Variants in HNRNPUL2 observed in about 807,000 individuals in gnomAD.
The protein encoded by HNRNPUL2 is heterogeneous nuclear ribonucleoprotein U like 2.
Under a neutral mutation model 102.2 loss-of-function variants are expected in HNRNPUL2, and 27 were observed. The observed-to-expected ratio is 0.26, with a 90% CI of 0.19 to 0.36. HNRNPUL2 has a LOEUF of 0.36. Among genes scored for constraint, HNRNPUL2 ranks in the 10% least tolerant of loss-of-function variants. HNRNPUL2 has a pLI of 1.00. For missense variants in HNRNPUL2, 936 were observed against 981.1 expected (o/e 0.95, Z 0.61); for synonymous variants, 458 against 387.2 (o/e 1.18, Z -2.15).
chr11:62,726,899 CTCGTCCTCCTCCTCCTCCTCT>C lies in HNRNPUL2; in HGVS notation c.237_257del (p.Glu81_Glu87del), dbSNP rs1565165274. 11 of 1,560,142 alleles carry C rather than the reference CTCGTCCTCCTCCTCCTCCTCT, an allele frequency of 7.1e-6. No individual in the cohort carries two copies. Among genetic ancestry groups the C allele is most frequent in the East Asian group, 2.4e-5 (1 of 41,196 alleles). On this transcript the variant is annotated inframe_deletion, in exon 1 of 14. Transcript: ENST00000301785. Reference sequence around the variant, plus strand: ...CGTCCTCGTCCTCAAGCAGCGCCTCCTCGTCCTCCTCCTCCTCCTCTTCGTCCTCCTCCTCGTCCCCGCCCG... The same window carrying C: ...CGTCCTCGTCCTCAAGCAGCGCCTCCTCGTCCTCCTCCTCGTCCCCGCCCG...
In HNRNPUL2 at chr11:62,721,313, C is replaced by A; in HGVS notation, c.1593G>T (p.Arg531Ser). Residue 531 changes from arginine to serine, a missense_variant, in exon 9 of 14, where the codon AGG (arginine) becomes AGT (serine). Physicochemically the swap from Arg to Ser is moderately radical, Grantham distance 110. This residue lies in a region of HNRNPUL2 where 609 missense variants were observed against 713.0 expected (regional missense o/e 0.85). Coordinates refer to ENST00000301785, the MANE Select transcript of HNRNPUL2 (RefSeq NM_001079559.3). ...KLVQIASRTK[R>S]NFILDQCNVY... ...TTAATACCTGATCAAGAATAAAGTT[C>A]CTCTTTGTCCGGGAAGCAATCTGGA... 1 of 1,607,368 alleles carries A rather than the reference C, an allele frequency of 6.2e-7. No homozygotes were observed. The highest frequency in any genetic ancestry group is 8.5e-7 in the Non-Finnish European group (1 of 1,178,056).
In HNRNPUL2 at chr11:62,717,019, G is replaced by A. The variant is rs759904305; in HGVS notation, c.1951C>T (p.Arg651Trp). The change falls in exon 11 of 14, where the codon CGG becomes TGG. Residue 651 changes from arginine (R) to tryptophan (W), a missense_variant. This residue lies in a region of HNRNPUL2 where 609 missense variants were observed against 713.0 expected (regional missense o/e 0.85). Transcript: ENST00000301785. ...CCTTGGCCCCGGCTTCGGTTCTGCC[G>A]GTTACGCTTGTTTCGGTTGTTTCGG... is the stretch of plus-strand genomic sequence containing the variant. ...NRRNNRNKRN[R>W]QNRSRGQGYV... is the part of the protein sequence containing the mutation. The A allele has an allele frequency of 1.2e-6, 2 of 1,613,480 alleles. No individual in the cohort carries two copies. The highest frequency in any genetic ancestry group is 1.7e-6 in the Non-Finnish European group (2 of 1,180,006).
In HNRNPUL2 at chr11:62,713,507, G is replaced by GA. The variant is rs2083634689; in HGVS notation, c.*1791dup. ...CACCGCAGGGAAGCAGGTGCCAAGA[G>GA]AAAGGACATGACTATGAGTAAGCAA... On this transcript the variant is annotated 3_prime_UTR_variant, in exon 14 of 14. Coordinates refer to ENST00000301785, the MANE Select transcript of HNRNPUL2 (RefSeq NM_001079559.3). The GA allele has an allele frequency of 6.6e-6, 1 of 152,208 alleles. No homozygotes were observed. Among genetic ancestry groups the GA allele is most frequent in the East Asian group, 1.9e-4 (1 of 5,198 alleles). 9.4% of individuals were successfully genotyped at this position (152,208 alleles called of 1,614,324 possible).
In HNRNPUL2 at chr11:62,714,970, TCTGA is replaced by T. The variant is rs1430896118; in HGVS notation, c.*325_*328del. The T allele has an allele frequency of 4.8e-6, 1 of 208,238 alleles. No individual in the cohort carries two copies. 12.9% of individuals were successfully genotyped at this position (208,238 alleles called of 1,614,324 possible). ...GGTGCCATTTTCAGTTCTTTTCCTG[TCTGA>T]CTGTAGGGTATAGAACAGGCAGCCC... On this transcript the variant is annotated 3_prime_UTR_variant, in exon 14 of 14. Transcript: ENST00000301785.
In HNRNPUL2 at chr11:62,726,781, C is replaced by A. The variant is rs1358908580; in HGVS notation, c.376G>T (p.Asp126Tyr). ...GCCTCCGCCGGCTTCTCGGAAGCAT[C>A]TGGCTCGGCCGCGGCCTCCATGGCT... ...AAAMEAAAEP[D>Y]ASEKPAEATA... Residue 126 changes from aspartate to tyrosine, a missense_variant, in exon 1 of 14, where the codon GAT (aspartate) becomes TAT (tyrosine). Asp to Tyr is a radical substitution (Grantham distance 160). Coordinates refer to ENST00000301785, the MANE Select transcript of HNRNPUL2 (RefSeq NM_001079559.3). 4 of 1,600,078 alleles carry A rather than the reference C, an allele frequency of 2.5e-6. No individual in the cohort carries two copies. Among genetic ancestry groups the A allele is most frequent in the African/African-American group, 2.7e-5 (2 of 74,812 alleles).
Position 62,721,506 on chromosome 11 carries a change from G to A in HNRNPUL2, c.1483-83C>T, listed in dbSNP as rs1187429412. ...TAAAGCCCAAGAGTTATTGGTAAAT[G>A]TCACCTCTTCAAATACTGAATCTAT... On this transcript the variant is annotated intron_variant, in intron 8 of 13. Coordinates refer to ENST00000301785, the MANE Select transcript of HNRNPUL2 (RefSeq NM_001079559.3). 8.7e-6 allele frequency: 11 copies of A among 1,265,676 alleles called. No homozygotes were observed. In the Admixed American group the frequency reaches 1.7e-4, roughly 19 times the overall value. 78.4% of individuals were successfully genotyped at this position (1,265,676 alleles called of 1,614,324 possible).
intron 1 of HNRNPUL2, among the ~76,000 whole-genome samples, chr11:62,724,826 T>G (rs890529714): frequency 6.6e-6 from 1 of 152,238 alleles, no homozygotes; most frequent in African/African-American, 2.4e-5. Flanking sequence ...AGGCAGTTAG[T>G]ACATATTTTG....
rs1170420035 is a variant in HNRNPUL2, at chr11:62,717,208, A to T, written c.1781-19T>A. ...AAGTTGGCTATAAGAGTAAGAGAGA[A>T]GCTTGTGGGCCTGAAAAGTGCATAG... is the stretch of plus-strand genomic sequence containing the variant. On this transcript the variant is annotated intron_variant, in intron 10 of 13. Coordinates refer to ENST00000301785, the MANE Select transcript of HNRNPUL2 (RefSeq NM_001079559.3). 6.2e-7 allele frequency: 1 copy of T among 1,600,928 alleles called. No homozygotes were observed. The highest frequency in any genetic ancestry group is 1.7e-5 in the Admixed American group (1 of 59,576).
In HNRNPUL2 at chr11:62,724,440, G is replaced by T; in HGVS notation, c.539-14C>A. The T allele has an allele frequency of 6.2e-7, 1 of 1,613,854 alleles. No homozygotes were observed. The highest frequency in any genetic ancestry group is 8.5e-7 in the Non-Finnish European group (1 of 1,179,864). On this transcript the variant is annotated splice_polypyrimidine_tract_variant and intron_variant, in intron 1 of 13. Transcript: ENST00000301785. ...CCTGGTCATCTCCTACAAAAACGAG[G>T]GAAAGAAAATCAGCAGTTTTCATAC...
intron 10 of HNRNPUL2, among the ~76,000 whole-genome samples, chr11:62,717,718 T>C (rs1035488084): frequency 2.0e-5 from 3 of 152,110 alleles, no homozygotes; most frequent in African/African-American, 7.2e-5. Flanking sequence ...TAGCCAGGCA[T>C]GGTGGCAGGT....
chr11:62,717,315 A>G (rs2083668158), intron 10 of HNRNPUL2, 126 bp from the exon 11 acceptor site: 1 of 688,576 alleles, frequency 1.5e-6, no homozygotes, highest in South Asian at 2.0e-5. Context: ...AAAATGTGCT[A>G]CGTTTATACC....
At position 62,717,026 on chromosome 11, in the gene HNRNPUL2, CTTGTTTCGG is replaced by C. The variant is rs771957761; in HGVS notation, c.1935_1943del (p.Asn645_Asn647del). 29 of 1,613,756 alleles carry C rather than the reference CTTGTTTCGG, an allele frequency of 1.8e-5. No individual in the cohort carries two copies. Among genetic ancestry groups the C allele is most frequent in the East Asian group, 6.7e-5 (3 of 44,876 alleles). ...CCCGGCTTCGGTTCTGCCGGTTACG[CTTGTTTCGG>C]TTGTTTCGGCGATTTGTCCGCTTCT... On this transcript the variant is annotated inframe_deletion, in exon 11 of 14. Transcript: ENST00000301785.
chr11:62,724,034 C>A (rs538723907), intron 2 of HNRNPUL2, 44 bp from the exon 3 acceptor site: 112 of 1,517,084 alleles, frequency 7.4e-5, no homozygotes, highest in Non-Finnish European at 9.9e-5. Flanking sequence ...AAACAAAGCC[C>A]TCTTCTTTGA....
chr11:62,723,804 G>A, intron 3 of HNRNPUL2, 78 bp from the exon 4 acceptor site: 1 of 1,601,834 alleles, frequency 6.2e-7, no homozygotes, highest in South Asian at 1.1e-5. Flanking sequence ...TATACCAGTT[G>A]TTGTAGTGGA....
intron 10 of HNRNPUL2, among the ~76,000 whole-genome samples, chr11:62,717,400 G>A (rs988727712): frequency 3.9e-5 from 6 of 152,132 alleles, no homozygotes; most frequent in South Asian, 2.1e-4. Flanking sequence ...CCAGGCAAAG[G>A]GCTATGTAGA....
At chr11:62,721,548 C>T in intron 8 of HNRNPUL2, 125 bp from the exon 9 acceptor site, 1 of 945,772 alleles carries the variant, frequency 1.1e-6, no homozygotes, top group South Asian at 1.7e-5. Context: ...ACTCTATTCC[C>T]ATTCTTCAGT....
intron 9 of HNRNPUL2, among the ~76,000 whole-genome samples, 173 bp downstream of exon 9, chr11:62,721,122 A>G (rs2083699350): frequency 6.6e-6 from 1 of 152,176 alleles, no homozygotes; most frequent in Non-Finnish European, 1.5e-5. Context: ...GCCTGGGTCC[A>G]TATATTTTCA....
chr11:62,725,892 A>G (rs2083741552), intron 1 of HNRNPUL2, among the ~76,000 whole-genome samples: 1 of 152,214 alleles, frequency 6.6e-6, no homozygotes, highest in Admixed American at 6.5e-5. Context: ...CCTGAAACGT[A>G]AAAGACTAGC....
At chr11:62,717,290 A>T in intron 10 of HNRNPUL2, 101 bp from the exon 11 acceptor site, 1 of 827,282 alleles carries the variant, frequency 1.2e-6, no homozygotes, top group Non-Finnish European at 1.9e-6. Flanking sequence ...TCTATGCCTC[A>T]TCTATTACTG....
Sources: gnomAD v4.1 joint callset for allele counts (sites outside exome capture counted in the v4.1 genomes callset) on GRCh38, gnomAD v4.1.1 for gene constraint, gnomAD v4.1.1 regional missense constraint, MANE v1.5 for transcripts, NCBI Gene and HGNC (gene_info 2026-07-23, HGNC 2026-07-21) for gene names.